AP3D1: variants seen among roughly 807,000 people sequenced by gnomAD.
AP3D1 encodes the protein AP-3 complex subunit delta-1.
A neutral mutation model predicts 147.6 loss-of-function variants in AP3D1; 51 were observed. The observed-to-expected ratio is 0.35, with a 90% CI of 0.28 to 0.44. The LOEUF (loss-of-function observed/expected upper bound fraction) is 0.44. Ranked by LOEUF, AP3D1 falls within the 20% of genes least tolerant of loss-of-function variation. AP3D1 has a pLI of 1.00. For synonymous variants in AP3D1, 760 were observed against 663.0 expected (o/e 1.15, Z -2.25); for missense variants, 1,421 against 1,624.2 (o/e 0.87, Z 2.15).
rs56100605 is a variant in AP3D1 at position 2,122,095 on chromosome 19, C to G, written c.956-216G>C. Among the ~76,000 whole-genome samples the G allele has an allele frequency of 0.12, 18,993 of 152,216 alleles. 1,307 individuals are homozygous for G. Among genetic ancestry groups the G allele is most frequent in the Non-Finnish European group, 0.16 (10,690 of 67,978 alleles). On this transcript the variant is annotated intron_variant, in intron 11 of 31. Coordinates refer to ENST00000643116, the MANE Select transcript of AP3D1 (RefSeq NM_001261826.3). The stretch of plus-strand genomic sequence containing the variant: ...TGGGAGCCGGGGTGCAGGCTGCCCC[C>G]ATGCCGGCTCCCTCAGGAAGGCCTC...
chr19:2,146,105 A>G (rs1256614353), intron 1 of AP3D1, among the ~76,000 whole-genome samples: 8 of 152,158 alleles, frequency 5.3e-5, no homozygotes, highest in African/African-American at 1.9e-4. Flanking sequence ...CACATGTCCG[A>G]CTATGTATGG....
rs938890566 is a variant in AP3D1, at chr19:2,109,897, T to C, written c.3326A>G (p.Tyr1109Cys). 1.9e-6 allele frequency: 3 copies of C among 1,612,992 alleles called. No individual in the cohort carries two copies. The African/African-American group carries it at 4.0e-5, about 22-fold the overall frequency. ...CCTGTAGCAGGGAGTGGTGATCAAG[T>C]AGGAGCTGCAGCTGAAGTGCAGCCT... ...DFRLHFSCSSYLITTPCYSDA... is the reference protein window; with the variant it reads ...DFRLHFSCSSCLITTPCYSDA... Residue 1109 changes from tyrosine (Y) to cysteine (C), a missense_variant, in exon 29 of 32, where the codon TAC becomes TGC. Transcript: ENST00000643116.
chr19:2,126,906 A>G (rs2018773231), intron 9 of AP3D1, among the ~76,000 whole-genome samples: 2 of 152,136 alleles, frequency 1.3e-5, no homozygotes, highest in Non-Finnish European at 2.9e-5. Flanking sequence ...CTGGGCCACC[A>G]GGCAGCTTAA....
intron 1 of AP3D1, among the ~76,000 whole-genome samples, chr19:2,156,802 T>C (rs1486059483): frequency 1.3e-5 from 2 of 151,900 alleles, no homozygotes; most frequent in African/African-American, 4.8e-5. Context: ...TGAGCCAAGA[T>C]TGCACCACTG....
chr19:2,101,400 G>A lies in AP3D1; in HGVS notation c.*773C>T, dbSNP rs948208472. 1 of 152,248 alleles carries A rather than the reference G, an allele frequency of 6.6e-6. No homozygotes were observed. The highest frequency in any genetic ancestry group is 1.5e-5 in the Non-Finnish European group (1 of 68,096). 9.4% of individuals were successfully genotyped at this position (152,248 alleles called of 1,614,324 possible). A position where few individuals can be genotyped will look rare whatever the true frequency, so the allele number is the denominator to read the frequency against. On this transcript the variant is annotated 3_prime_UTR_variant, in exon 32 of 32. Coordinates refer to ENST00000643116, the MANE Select transcript of AP3D1 (RefSeq NM_001261826.3). The stretch of plus-strand genomic sequence containing the variant: ...GCCCTGCCTGGGCCTTCCTAAGGGT[G>A]CTGGGAAGGATGTGGGGAAACCTTG...
chr19:2,142,588 C>A (rs540331698), intron 1 of AP3D1, among the ~76,000 whole-genome samples: 1 of 152,206 alleles, frequency 6.6e-6, no homozygotes. Flanking sequence ...CAAAGACCAA[C>A]GAGCTGAGCC....
At chr19:2,112,635 C>T (rs1024770378) in intron 24 of AP3D1, 3 of 505,278 alleles carry the variant, frequency 5.9e-6, no homozygotes, top group Non-Finnish European at 1.0e-5. Flanking sequence ...TGTATACATA[C>T]TTCAAATGAA....
At chr19:2,142,535 A>G (rs2019248907) in intron 1 of AP3D1, among the ~76,000 whole-genome samples, 1 of 152,190 alleles carries the variant, frequency 6.6e-6, no homozygotes. Context: ...GGGAGGCCAC[A>G]TGGTCACAAC....
intron 11 of AP3D1, among the ~76,000 whole-genome samples, chr19:2,122,638 T>C (rs1486962371): frequency 1.3e-5 from 2 of 152,190 alleles, no homozygotes; most frequent in African/African-American, 4.8e-5. Context: ...TAATAGTAAC[T>C]AAGAACAGAA....
At chr19:2,127,791 C>T (rs539710375) in intron 8 of AP3D1, among the ~76,000 whole-genome samples, 117 of 152,302 alleles carry the variant, frequency 7.7e-4, no homozygotes, top group African/African-American at 2.3e-3. Flanking sequence ...CCTCCCAAAG[C>T]GCTGGGATCA....
At chr19:2,164,031 G>C (rs2019811373) in intron 1 of AP3D1, 1 of 247,696 alleles carries the variant, frequency 4.0e-6, no homozygotes, top group South Asian at 1.4e-4. Flanking sequence ...GGACCGGAGC[G>C]CGGCGGCGGC....
At chr19:2,155,589 C>T (rs1044402779), upstream of AP3D1, among the ~76,000 whole-genome samples, 6 of 150,788 alleles carry the variant, frequency 4.0e-5, no homozygotes, top group African/African-American at 1.2e-4. Context: ...GCCCGCTTCT[C>T]TGCTGGACTT....
At chr19:2,132,024 GT>G (rs2018964554) in intron 5 of AP3D1, among the ~76,000 whole-genome samples, 2 of 152,222 alleles carry the variant, frequency 1.3e-5, no homozygotes, top group African/African-American at 4.8e-5. Flanking sequence ...CAAAACAGAT[GT>G]TTCTGGGGCC....
At chr19:2,144,777 C>T (rs1599493572) in intron 1 of AP3D1, among the ~76,000 whole-genome samples, 1 of 152,150 alleles carries the variant, frequency 6.6e-6, no homozygotes, top group African/African-American at 2.4e-5. Context: ...GTGGTGCATG[C>T]CTGTAATCCC....
Position 2,110,088 on chromosome 19 carries a change from C to A in AP3D1, c.3264+48G>T, listed in dbSNP as rs750159778. On this transcript the variant is annotated intron_variant, in intron 28 of 31. Coordinates refer to ENST00000643116, the MANE Select transcript of AP3D1 (RefSeq NM_001261826.3). ...CCCACTGCGATGGGGCAGGAGGAGC[C>A]CCTGCCTGCAGAGTCGGCTCTTCAA... 4 of 1,585,172 alleles carry A rather than the reference C, an allele frequency of 2.5e-6. No homozygotes were observed. In the East Asian group the frequency reaches 6.7e-5, roughly 27 times the overall value.
chr19:2,104,038 C>T (rs2018033050), intron 31 of AP3D1, among the ~76,000 whole-genome samples: 1 of 152,064 alleles, frequency 6.6e-6, no homozygotes, highest in African/African-American at 2.4e-5. Flanking sequence ...ACGCTCAAGA[C>T]CCCAACACCA....
At chr19:2,115,156 C>G (rs1433724617) in intron 20 of AP3D1, 63 bp downstream of exon 20, 1 of 1,532,420 alleles carries the variant, frequency 6.5e-7, no homozygotes. Context: ...CTGTGCATGG[C>G]CCCAGGACAC....
At chr19:2,149,400 T>G (rs970750763) in intron 1 of AP3D1, among the ~76,000 whole-genome samples, 3 of 151,908 alleles carry the variant, frequency 2.0e-5, no homozygotes, top group Admixed American at 6.6e-5. Flanking sequence ...CAAAATTAGC[T>G]GGGTGTGGTG....
chr19:2,121,883 C>A lies in AP3D1; in HGVS notation c.956-4G>T, dbSNP rs2018622503. On this transcript the variant is annotated splice_polypyrimidine_tract_variant and splice_region_variant and intron_variant, in intron 11 of 31. Coordinates refer to ENST00000643116, the MANE Select transcript of AP3D1 (RefSeq NM_001261826.3). The stretch of plus-strand genomic sequence containing the variant: ...GCCAGCAGCCCCAGGTACTTCACTG[C>A]AGAGAGAGGCCAGAGCCGGGTCACT... 4 of 1,601,110 alleles carry A rather than the reference C, an allele frequency of 2.5e-6. No homozygotes were observed. Among genetic ancestry groups the A allele is most frequent in the African/African-American group, 2.7e-5 (2 of 73,990 alleles).
Sources: allele counts gnomAD v4.1 joint callset (sites outside exome capture counted in the v4.1 genomes callset), GRCh38; gene constraint gnomAD v4.1.1; transcripts MANE v1.5; gene names NCBI Gene and HGNC (gene_info 2026-07-23, HGNC 2026-07-21).